SYNPR: variants seen among roughly 807,000 people sequenced by gnomAD.
SYNPR encodes the protein synaptoporin.
A neutral mutation model predicts 32.9 loss-of-function variants in SYNPR; 23 were observed. The observed-to-expected ratio is 0.70, with a 90% CI of 0.50 to 0.99. SYNPR has a LOEUF of 0.99. SYNPR is among the 50% of genes least tolerant of loss of function. The pLI is 0.00. For synonymous variants in SYNPR, 146 were observed against 135.9 expected (o/e 1.07, Z -0.52); for missense variants, 318 against 349.3 (o/e 0.91, Z 0.71).
rs1389865230 is a variant in SYNPR, at chr3:63,589,099, C to G, written c.409-20026C>G. Among the ~76,000 whole-genome samples the G allele has an allele frequency of 2.0e-5, 3 of 151,994 alleles. No homozygotes were observed. The East Asian group carries it at 5.8e-4, about 29-fold the overall frequency. The stretch of plus-strand genomic sequence containing the variant: ...AGAGTCCAACACTCCCTCTAGAGGC[C>G]AATTCATAGGCCTTCCAGATAAGCC... On this transcript the variant is annotated intron_variant, in intron 4 of 5. Coordinates refer to ENST00000478300, the MANE Select transcript of SYNPR (RefSeq NM_001130003.2).
At position 63,555,359 on chromosome 3, in the gene SYNPR, C is replaced by T. The variant is rs559143635; in HGVS notation, c.210-1184C>T. Reference sequence around the variant, plus strand: ...CACTGTTACTTTTATAGATAATTTTCCAAGTGGCACTTTATGGTCATAAAT... The same window carrying T: ...CACTGTTACTTTTATAGATAATTTTTCAAGTGGCACTTTATGGTCATAAAT... On this transcript the variant is annotated intron_variant, in intron 3 of 5. Coordinates refer to ENST00000478300, the MANE Select transcript of SYNPR (RefSeq NM_001130003.2). Among the ~76,000 whole-genome samples the T allele has an allele frequency of 6.6e-5, 10 of 151,884 alleles. No homozygotes were observed. In the South Asian group the frequency reaches 2.1e-3, roughly 32 times the overall value.
At chr3:63,478,542 G>C (rs1700978973) in intron 2 of SYNPR, among the ~76,000 whole-genome samples, 2 of 152,120 alleles carry the variant, frequency 1.3e-5, no homozygotes, top group Non-Finnish European at 2.9e-5. Context: ...CCCATAGTAG[G>C]CACTTTAAAA....
chr3:63,329,326 G>T (rs1013314185), intron 2 of SYNPR, among the ~76,000 whole-genome samples: 10 of 152,004 alleles, frequency 6.6e-5, no homozygotes, highest in Non-Finnish European at 1.3e-4. Flanking sequence ...TATTTTACGG[G>T]TGGGAAAACT....
At chr3:63,571,942 C>A (rs952872515) in intron 4 of SYNPR, among the ~76,000 whole-genome samples, 5 of 152,150 alleles carry the variant, frequency 3.3e-5, no homozygotes, top group Non-Finnish European at 7.3e-5. Context: ...GTTTTGCTAT[C>A]CCTGAAGAAC....
chr3:63,604,102 C>A (rs1424486167), intron 4 of SYNPR, among the ~76,000 whole-genome samples: 1 of 152,080 alleles, frequency 6.6e-6, no homozygotes, highest in Non-Finnish European at 1.5e-5. Context: ...TTGTCCATGT[C>A]TTCTAGGTTT....
intron 2 of SYNPR, among the ~76,000 whole-genome samples, chr3:63,362,522 A>G (rs1278915255): frequency 6.6e-6 from 1 of 152,190 alleles, no homozygotes; most frequent in South Asian, 2.1e-4. Flanking sequence ...CATGTTGCCA[A>G]GCCCAACACT....
intron 3 of SYNPR, among the ~76,000 whole-genome samples, chr3:63,481,931 C>G (rs1273865985): frequency 2.0e-5 from 3 of 152,078 alleles, no homozygotes; most frequent in African/African-American, 7.2e-5. Context: ...ACAGTGATTT[C>G]CCACTAAGAG....
intron 2 of SYNPR, among the ~76,000 whole-genome samples, chr3:63,421,251 C>T (rs1375754071): frequency 6.6e-6 from 1 of 151,978 alleles, no homozygotes; most frequent in East Asian, 1.9e-4. Flanking sequence ...ATTAACTTTA[C>T]TAGTAATCAG....
At chr3:63,359,699 G>A (rs990643278) in intron 2 of SYNPR, among the ~76,000 whole-genome samples, 2 of 152,086 alleles carry the variant, frequency 1.3e-5, no homozygotes, top group South Asian at 2.1e-4. Context: ...TAAACAGGAG[G>A]TATCTTACAA....
chr3:63,479,147 T>G (rs1213566493), intron 2 of SYNPR, among the ~76,000 whole-genome samples: 3 of 152,118 alleles, frequency 2.0e-5, no homozygotes, highest in Non-Finnish European at 2.9e-5. Context: ...AAAGATCAGT[T>G]TTTCTGGACT....
chr3:63,512,124 GA>G (rs1280833739), intron 3 of SYNPR, among the ~76,000 whole-genome samples: 1 of 152,046 alleles, frequency 6.6e-6, no homozygotes, highest in Non-Finnish European at 1.5e-5. Context: ...CAAATGGGAA[GA>G]ATCTCTTTGC....
chr3:63,464,229 C>T (rs1202600723), intron 2 of SYNPR, among the ~76,000 whole-genome samples: 1 of 151,960 alleles, frequency 6.6e-6, no homozygotes, highest in Non-Finnish European at 1.5e-5. Flanking sequence ...TTTAACTTAC[C>T]TCTACTGCCT....
intron 2 of SYNPR, among the ~76,000 whole-genome samples, chr3:63,303,190 A>G (rs960954210): frequency 2.0e-5 from 3 of 151,848 alleles, no homozygotes; most frequent in East Asian, 3.9e-4. Context: ...GGTAAAAAAA[A>G]AAAAATGAGA....
intron 3 of SYNPR, among the ~76,000 whole-genome samples, chr3:63,494,371 A>G (rs1701314978): frequency 6.8e-6 from 1 of 146,754 alleles, no homozygotes; most frequent in African/African-American, 2.5e-5. Flanking sequence ...GAGATCAAAA[A>G]GTAGGGTGGA....
intron 2 of SYNPR, among the ~76,000 whole-genome samples, chr3:63,473,790 C>T (rs1244446516): frequency 6.6e-6 from 1 of 152,110 alleles, no homozygotes; most frequent in Non-Finnish European, 1.5e-5. Context: ...CTGGAGGGAG[C>T]TCAGTTTATT....
chr3:63,255,577 A>G (rs549642706), intron 2 of SYNPR, among the ~76,000 whole-genome samples: 1 of 152,196 alleles, frequency 6.6e-6, no homozygotes, highest in Non-Finnish European at 1.5e-5. Flanking sequence ...CATTCATTCC[A>G]TCAGTGGCAG....
rs1259529012 is a variant in SYNPR at position 63,427,219 on chromosome 3, T to C, written c.85-53613T>C. On this transcript the variant is annotated intron_variant, in intron 2 of 5. Transcript: ENST00000478300. ...AAAAGGATCTGTTACCTTGATTTTA[T>C]TTACTGCTTTTTTTTTTTTTGAAAG... Among the ~76,000 whole-genome samples, 7 of 150,472 alleles carry C rather than the reference T, an allele frequency of 4.7e-5. No individual in the cohort carries two copies. In the East Asian group the frequency reaches 1.4e-3, roughly 29 times the overall value.
chr3:63,345,234 G>A (rs984181990), intron 2 of SYNPR, among the ~76,000 whole-genome samples: 6 of 152,210 alleles, frequency 3.9e-5, no homozygotes, highest in Admixed American at 2.6e-4. Flanking sequence ...AGAACAAGGC[G>A]AGGGTAGTTT....
chr3:63,498,701 T>G (rs1390836597), intron 3 of SYNPR, among the ~76,000 whole-genome samples: 3 of 152,006 alleles, frequency 2.0e-5, no homozygotes, highest in Non-Finnish European at 4.4e-5. Flanking sequence ...GAGACCACAG[T>G]GCGTAAGTGC....
Sources: gnomAD v4.1 joint callset for allele counts (sites outside exome capture counted in the v4.1 genomes callset) on GRCh38, gnomAD v4.1.1 for gene constraint, MANE v1.5 for transcripts, NCBI Gene and HGNC (gene_info 2026-07-23, HGNC 2026-07-21) for gene names.